Variants in ARHGAP15 observed in about 807,000 individuals in gnomAD.
The protein encoded by ARHGAP15 is Rho GTPase activating protein 15, also known as rho GTPase-activating protein 15.
A neutral mutation model predicts 63.7 loss-of-function variants in ARHGAP15; 51 were observed. The observed-to-expected ratio is 0.80, with a 90% CI of 0.64 to 1.01. The LOEUF is 1.01. ARHGAP15 is among the 50% of genes least tolerant of loss of function. The probability of loss-of-function intolerance (pLI) is 0.00; values close to 1 mark genes in which losing one functional copy is unlikely to be tolerated. For synonymous variants in ARHGAP15, 191 were observed against 193.8 expected (o/e 0.99, Z 0.12); for missense variants, 560 against 564.6 (o/e 0.99, Z 0.08).
At chr2:143,230,566 C>T (rs937802345) in intron 5 of ARHGAP15, among the ~76,000 whole-genome samples, 2 of 152,178 alleles carry the variant, frequency 1.3e-5, no homozygotes, top group Non-Finnish European at 2.9e-5. Context: ...CTACCAGGCA[C>T]TCATTGTCTT....
At chr2:143,516,554 C>T (rs1693828815) in intron 9 of ARHGAP15, among the ~76,000 whole-genome samples, 1 of 152,150 alleles carries the variant, frequency 6.6e-6, no homozygotes, top group Non-Finnish European at 1.5e-5. Context: ...TATAATATTA[C>T]AAACTTCTCG....
intron 11 of ARHGAP15, among the ~76,000 whole-genome samples, chr2:143,606,055 A>AAAAAAAAAAAAAAAAAAAAC (rs1698007109): frequency 7.4e-6 from 1 of 135,304 alleles, no homozygotes; most frequent in Non-Finnish European, 1.6e-5. Flanking sequence ...AAAAAAAAAA[A>AAAAAAAAAAAAAAAAAAAAC]AAAAAAAAAA....
chr2:143,323,957 G>A (rs1684143274), intron 6 of ARHGAP15, among the ~76,000 whole-genome samples: 1 of 141,784 alleles, frequency 7.1e-6, no homozygotes, highest in African/African-American at 2.7e-5. Flanking sequence ...CCATGTATCA[G>A]TGAATTTCAA....
chr2:143,740,968 T>C (rs1308666831), intron 13 of ARHGAP15: 1 of 152,116 alleles, frequency 6.6e-6, no homozygotes, highest in Non-Finnish European at 1.5e-5. Flanking sequence ...CTATATTCAA[T>C]GTACTGTATT....
At position 143,768,277 on chromosome 2, in the gene ARHGAP15, G is replaced by T; in HGVS notation, c.*105G>T. Reference sequence around the variant, plus strand: ...AATATTTTTTGCCTTTCAAGCGACAGATGCCTCATTTTGTGAAAACTTAAT... The same window carrying T: ...AATATTTTTTGCCTTTCAAGCGACATATGCCTCATTTTGTGAAAACTTAAT... On this transcript the variant is annotated 3_prime_UTR_variant, in exon 14 of 14. Coordinates refer to ENST00000295095, the MANE Select transcript of ARHGAP15 (RefSeq NM_018460.4). 9.4e-7 allele frequency: 1 copy of T among 1,065,664 alleles called. No homozygotes were observed. The highest frequency in any genetic ancestry group is 2.6e-5 in the East Asian group (1 of 38,048). 66.0% of individuals were successfully genotyped at this position (1,065,664 alleles called of 1,614,324 possible).
chr2:143,183,186 C>G (rs746975276), intron 2 of ARHGAP15, among the ~76,000 whole-genome samples: 1 of 152,198 alleles, frequency 6.6e-6, no homozygotes, highest in Non-Finnish European at 1.5e-5. Context: ...TGACTGTATT[C>G]TGGCTTCTGT....
At chr2:143,533,837 G>T (rs1694626981) in intron 10 of ARHGAP15, among the ~76,000 whole-genome samples, 1 of 152,136 alleles carries the variant, frequency 6.6e-6, no homozygotes, top group Admixed American at 6.6e-5. Context: ...CTTTATTAAG[G>T]TTTATTTTAA....
chr2:143,366,132 C>T (rs543923078), intron 6 of ARHGAP15, among the ~76,000 whole-genome samples: 1 of 152,250 alleles, frequency 6.6e-6, no homozygotes, highest in African/African-American at 2.4e-5. Flanking sequence ...GTTATGGTAG[C>T]ACAGATAGAT....
chr2:143,562,572 C>T (rs752591886), intron 11 of ARHGAP15, among the ~76,000 whole-genome samples: 2 of 152,130 alleles, frequency 1.3e-5, no homozygotes, highest in Non-Finnish European at 2.9e-5. Flanking sequence ...ATTGATATTG[C>T]ACCTTTTTGG....
rs536618096 is a variant in ARHGAP15 at position 143,568,928 on chromosome 2, C to T, written c.1003+12443C>T. 6.6e-5 allele frequency among the ~76,000 whole-genome samples: 10 copies of T among 152,260 alleles called. No individual in the cohort carries two copies. The South Asian group carries it at 2.1e-3, about 32-fold the overall frequency. On this transcript the variant is annotated intron_variant, in intron 11 of 13. Transcript: ENST00000295095. ...TATCACAAGGACAGAAAATGAAACACCACATGTTCTCACTCATAGGTGGGA... is the reference window on the plus strand; with the variant it reads ...TATCACAAGGACAGAAAATGAAACATCACATGTTCTCACTCATAGGTGGGA...
At chr2:143,459,899 C>T (rs756497328) in intron 8 of ARHGAP15, among the ~76,000 whole-genome samples, 1 of 151,942 alleles carries the variant, frequency 6.6e-6, no homozygotes. Flanking sequence ...AATAAACGTG[C>T]ATAATGTGAA....
intron 13 of ARHGAP15, among the ~76,000 whole-genome samples, chr2:143,736,340 G>A (rs540141713): frequency 6.6e-6 from 1 of 151,410 alleles, no homozygotes; most frequent in African/African-American, 2.4e-5. Context: ...AGGTTGCAGT[G>A]AGCCCAGATT....
chr2:143,330,092 C>A (rs1684444063), intron 6 of ARHGAP15, among the ~76,000 whole-genome samples: 1 of 5,794 alleles, frequency 1.7e-4, no homozygotes, highest in Non-Finnish European at 4.2e-4. Context: ...AAGGCTCTGT[C>A]TCAAAAAAAA....
chr2:143,147,674 A>G (rs756476968), intron 1 of ARHGAP15, among the ~76,000 whole-genome samples: 3 of 151,924 alleles, frequency 2.0e-5, no homozygotes, highest in Non-Finnish European at 4.4e-5. Flanking sequence ...TTTTCTTCAA[A>G]TGCTTTATTT....
At chr2:143,476,837 C>T (rs1462339618) in intron 8 of ARHGAP15, among the ~76,000 whole-genome samples, 1 of 152,142 alleles carries the variant, frequency 6.6e-6, no homozygotes, top group Non-Finnish European at 1.5e-5. Flanking sequence ...CATTGTGAAA[C>T]CTTTTTGCTG....
At chr2:143,407,299 T>G (rs966322048) in intron 6 of ARHGAP15, among the ~76,000 whole-genome samples, 1 of 151,814 alleles carries the variant, frequency 6.6e-6, no homozygotes, top group South Asian at 2.1e-4. Context: ...TGGGAAAATA[T>G]AACCCATTCA....
chr2:143,131,463 T>C (rs1688913335), intron 1 of ARHGAP15, among the ~76,000 whole-genome samples: 1 of 152,190 alleles, frequency 6.6e-6, no homozygotes, highest in African/African-American at 2.4e-5. Context: ...TCAGTAAGAT[T>C]CAGAAAGGAG....
At chr2:143,711,154 G>A (rs542701112) in intron 13 of ARHGAP15, among the ~76,000 whole-genome samples, 1 of 152,208 alleles carries the variant, frequency 6.6e-6, no homozygotes, top group South Asian at 2.1e-4. Context: ...GTCATAACAA[G>A]GTACACAAGG....
intron 13 of ARHGAP15, among the ~76,000 whole-genome samples, chr2:143,750,269 A>G (rs910850416): frequency 6.6e-6 from 1 of 152,136 alleles, no homozygotes; most frequent in East Asian, 1.9e-4. Flanking sequence ...GTGAAACCCC[A>G]TCTCTATTAA....
Sources: gnomAD v4.1 joint callset for allele counts (sites outside exome capture counted in the v4.1 genomes callset) on GRCh38, gnomAD v4.1.1 for gene constraint, MANE v1.5 for transcripts, NCBI Gene and HGNC (gene_info 2026-07-23, HGNC 2026-07-21) for gene names.